ARHGEF10: variants seen among roughly 807,000 people sequenced by gnomAD.
ARHGEF10 encodes the protein Rho guanine nucleotide exchange factor 10.
In ARHGEF10, 140 loss-of-function variants were observed where a neutral mutation model predicts 147.4. The observed-to-expected ratio is 0.95, with a 90% CI of 0.83 to 1.09. The LOEUF is 1.09. ARHGEF10 is among the 50% of genes least tolerant of loss of function. ARHGEF10 has a pLI of 0.00. For synonymous variants in ARHGEF10, 902 were observed against 695.8 expected (o/e 1.30, Z -4.67); for missense variants, 2,222 against 1,752.7 (o/e 1.27, Z -4.78).
intron 2 of ARHGEF10, among the ~76,000 whole-genome samples, chr8:1,844,465 T>TCACCGGGGCCTGGTGGACGACAGA (rs1329433075): frequency 2.0e-4 from 31 of 151,448 alleles, no homozygotes; most frequent in East Asian, 3.9e-4. Flanking sequence ...AATCCAGGGG[T>TCACCGGGGCCTGGTGGACGACAGA]GAGCAGTGGC....
intron 27 of ARHGEF10, among the ~76,000 whole-genome samples, chr8:1,947,872 C>G (rs1450348743): frequency 6.6e-6 from 1 of 151,674 alleles, no homozygotes; most frequent in Admixed American, 6.6e-5. Flanking sequence ...TGTCTTTGAC[C>G]TCTCCTGTAG....
chr8:1,935,081 A>G (rs886707324), intron 26 of ARHGEF10, among the ~76,000 whole-genome samples: 9 of 152,364 alleles, frequency 5.9e-5, no homozygotes, highest in South Asian at 2.1e-4. Context: ...CTCCTTAGCA[A>G]CTAACATTGC....
intron 18 of ARHGEF10, among the ~76,000 whole-genome samples, chr8:1,916,660 A>G (rs1456882851): frequency 6.6e-6 from 1 of 152,180 alleles, no homozygotes; most frequent in African/African-American, 2.4e-5. Context: ...TTCATAACCA[A>G]GATTTCTCTA....
intron 11 of ARHGEF10, among the ~76,000 whole-genome samples, chr8:1,891,256 C>A (rs964159828): frequency 1.3e-5 from 2 of 152,144 alleles, no homozygotes; most frequent in African/African-American, 4.8e-5. Flanking sequence ...TTGTTTTCCT[C>A]CTGCCAAATG....
intron 1 of ARHGEF10, among the ~76,000 whole-genome samples, chr8:1,828,458 T>G (rs1176799801): frequency 6.6e-6 from 1 of 151,080 alleles, no homozygotes; most frequent in Non-Finnish European, 1.5e-5. Flanking sequence ...CTTACTGTTT[T>G]AAGGAATTAC....
chr8:1,825,970 G>T (rs1298975830), intron 1 of ARHGEF10: 2 of 694,708 alleles, frequency 2.9e-6, no homozygotes, highest in South Asian at 1.7e-5. Flanking sequence ...ATTTTTATTC[G>T]AAAAGAGAGA....
Position 1,838,908 on chromosome 8 carries a change from G to A in ARHGEF10, c.-47-4445G>A, listed in dbSNP as rs1803753914. Among the ~76,000 whole-genome samples the A allele has an allele frequency of 2.6e-5, 4 of 152,048 alleles. No homozygotes were observed. The South Asian group carries it at 8.3e-4, about 32-fold the overall frequency. On this transcript the variant is annotated intron_variant, in intron 1 of 28. Transcript: ENST00000349830. Reference sequence around the variant, plus strand: ...GTCTGGAGTGGAAGGTGTTTGATGTGGGGACCATCCAGTGTGGGGCTGTCT... The same window carrying A: ...GTCTGGAGTGGAAGGTGTTTGATGTAGGGACCATCCAGTGTGGGGCTGTCT...
chr8:1,869,045 C>T (rs549867013), intron 6 of ARHGEF10, 149 bp from the exon 7 acceptor site: 28 of 724,978 alleles, frequency 3.9e-5, no homozygotes, highest in Non-Finnish European at 5.1e-5. Context: ...GGACAAAGAA[C>T]GAAAAAGTAA....
chr8:1,890,330 T>C (rs150254002), intron 11 of ARHGEF10, among the ~76,000 whole-genome samples: 2,723 of 137,188 alleles, frequency 0.02, 46 homozygotes, highest in Non-Finnish European at 0.032. Context: ...TGTGAGCAGA[T>C]ACTGAGTGGG....
chr8:1,907,341 C>G (rs752464968), intron 17 of ARHGEF10, among the ~76,000 whole-genome samples: 1 of 152,180 alleles, frequency 6.6e-6, no homozygotes, highest in Non-Finnish European at 1.5e-5. Context: ...ATCCACCCAG[C>G]TCCTCACCTG....
chr8:1,955,324 A>G (rs13260541), intron 28 of ARHGEF10, among the ~76,000 whole-genome samples: 104,605 of 117,958 alleles, frequency 0.89, 45,974 homozygotes, highest in African/African-American at 0.94. Flanking sequence ...GGTGCTCCCT[A>G]AAAGGAGGTG....
intron 27 of ARHGEF10, among the ~76,000 whole-genome samples, chr8:1,946,100 G>T (rs1164186243): frequency 1.3e-5 from 2 of 152,160 alleles, no homozygotes; most frequent in Non-Finnish European, 2.9e-5. Flanking sequence ...CCTGTTGCTG[G>T]TGGGTGTCAC....
Position 1,928,537 on chromosome 8 carries a change from G to A in ARHGEF10, c.2808G>A (p.Leu936=), listed in dbSNP as rs1181160340. 3 of 1,614,108 alleles carry A rather than the reference G, an allele frequency of 1.9e-6. No individual in the cohort carries two copies. Among genetic ancestry groups the A allele is most frequent in the Middle Eastern group, 1.6e-4 (1 of 6,084 alleles). Residue 936 remains leucine (L), a synonymous_variant, in exon 24 of 29, where the codon CTG becomes CTA. Coordinates refer to ENST00000349830, the MANE Select transcript of ARHGEF10 (RefSeq NM_014629.4). The part of the protein sequence containing the change: ...FNVESRILCM[L]YVPVEEKRRE... ...TGGAATCTCGCATCCTGTGCATGCT[G>A]TACGTTCCCGTCGAGGAGAAGCGCA...
chr8:1,886,521 T>G (rs1425349486), intron 11 of ARHGEF10, among the ~76,000 whole-genome samples: 1 of 152,244 alleles, frequency 6.6e-6, no homozygotes, highest in African/African-American at 2.4e-5. Context: ...CTGTTCATAA[T>G]TGACCAGGCT....
At chr8:1,953,192 GTATTTTA>G (rs1815198762) in intron 28 of ARHGEF10, among the ~76,000 whole-genome samples, 3 of 145,422 alleles carry the variant, frequency 2.1e-5, no homozygotes, top group East Asian at 2.0e-4. Flanking sequence ...ATTCCTTTCT[GTATTTTA>G]TGTTGTGAAG....
At chr8:1,835,855 C>A (rs1347030211) in intron 1 of ARHGEF10, among the ~76,000 whole-genome samples, 2 of 152,202 alleles carry the variant, frequency 1.3e-5, no homozygotes, top group Admixed American at 1.3e-4. Context: ...TCTGGGCTCC[C>A]TCTCTGACTG....
rs775535835 is a variant in ARHGEF10 at position 1,898,471 on chromosome 8, C to T, written c.1596C>T (p.Tyr532=). 46 of 1,614,054 alleles carry T rather than the reference C, an allele frequency of 2.8e-5. No homozygotes were observed. The highest frequency in any genetic ancestry group is 3.9e-5 in the Non-Finnish European group (46 of 1,180,048). Reference sequence around the variant, plus strand: ...CCAGCCCCGATCGAACCACGCTCTACAGCCTGATGATGAAGCCCATCCAGA... The same window carrying T: ...CCAGCCCCGATCGAACCACGCTCTATAGCCTGATGATGAAGCCCATCCAGA... ...QEASPDRTTL[Y]SLMMKPIQRF... Residue 532 remains tyrosine (Y), a synonymous_variant, in exon 15 of 29, where the codon TAC becomes TAT. Transcript: ENST00000349830.
At chr8:1,836,642 G>A (rs760908029) in intron 1 of ARHGEF10, among the ~76,000 whole-genome samples, 5 of 152,150 alleles carry the variant, frequency 3.3e-5, no homozygotes, top group Non-Finnish European at 7.3e-5. Context: ...AGCGCATGCT[G>A]CCGTGGGCTG....
intron 15 of ARHGEF10, 141 bp from the exon 16 acceptor site, chr8:1,903,140 T>A (rs774430660): frequency 7.3e-6 from 8 of 1,103,152 alleles, no homozygotes; most frequent in Admixed American, 5.1e-5. Context: ...TCATCATCCC[T>A]TCCCAAGAAC....
Sources: gnomAD v4.1 joint callset for allele counts (sites outside exome capture counted in the v4.1 genomes callset) on GRCh38, gnomAD v4.1.1 for gene constraint, MANE v1.5 for transcripts, NCBI Gene and HGNC (gene_info 2026-07-23, HGNC 2026-07-21) for gene names.